Variants in ARHGAP10 observed in about 807,000 individuals in gnomAD.
The protein encoded by ARHGAP10 is rho GTPase-activating protein 10.
In ARHGAP10, 87 loss-of-function variants were observed where a neutral mutation model predicts 108.6. The observed-to-expected ratio is 0.80, with a 90% CI of 0.67 to 0.96. The LOEUF (loss-of-function observed/expected upper bound fraction) is 0.96, where lower values mean the gene tolerates loss of function less well. ARHGAP10 is among the 40% of genes least tolerant of loss of function. The probability of loss-of-function intolerance (pLI) is 0.00; values close to 1 mark genes in which losing one functional copy is unlikely to be tolerated. For synonymous variants in ARHGAP10, 347 were observed against 341.1 expected, an observed-to-expected ratio of 1.02 and a Z score of -0.19; for missense variants, 939 against 954.5, an observed-to-expected ratio of 0.98 and a Z score of 0.21.
At chr4:147,862,776 T>C (rs921095074) in intron 5 of ARHGAP10, 2 of 152,236 alleles carry the variant, frequency 1.3e-5, no homozygotes, top group African/African-American at 4.8e-5. Context: ...GATGCTGGTA[T>C]AAATTTCTTC....
At chr4:147,949,507 C>T (rs548249451) in intron 15 of ARHGAP10, among the ~76,000 whole-genome samples, 103 of 152,208 alleles carry the variant, frequency 6.8e-4, no homozygotes, top group Non-Finnish European at 2.1e-4. Flanking sequence ...TGCAGTGCTC[C>T]TGGCATCTGG....
chr4:147,873,722 A>ACACACACACACACACT (rs775092505), intron 7 of ARHGAP10, among the ~76,000 whole-genome samples: 48 of 144,442 alleles, frequency 3.3e-4, no homozygotes, highest in East Asian at 1.6e-3. Flanking sequence ...ACACACACAC[A>ACACACACACACACACT]CTCTTGGCCT....
rs183703944 is a variant in ARHGAP10 at position 147,775,743 on chromosome 4, G to C, written c.154+43288G>C. 3.7e-4 allele frequency among the ~76,000 whole-genome samples: 56 copies of C among 152,214 alleles called. No individual in the cohort carries two copies. In the East Asian group the frequency reaches 9.7e-3, roughly 26 times the overall value. On this transcript the variant is annotated intron_variant, in intron 1 of 22. Transcript: ENST00000336498. ...AGTTTCCTCCTCCCTAGGCATGGGG[G>C]CTCTAAATCCTTTTGCACAGAATTA...
intron 19 of ARHGAP10, among the ~76,000 whole-genome samples, chr4:148,038,162 G>A (rs987637028): frequency 1.3e-5 from 2 of 152,124 alleles, no homozygotes; most frequent in African/African-American, 4.8e-5. Context: ...TAGAAATTAT[G>A]CTAGAATATA....
Position 148,063,190 on chromosome 4 carries a change from A to G in ARHGAP10, c.2070A>G (p.Pro690=), listed in dbSNP as rs143292020. The G allele has an allele frequency of 1.2e-6, 2 of 1,614,078 alleles. No individual in the cohort carries two copies. Among genetic ancestry groups the G allele is most frequent in the Non-Finnish European group, 1.7e-6 (2 of 1,180,004 alleles). ...TRSSMVQWLN[P]QSPTTTSSNS... ...CGTCTATGGTCCAGTGGCTTAACCC[A>G]CAGTCTCCAACCACAACAAGCTCCA... Residue 690 remains proline, a synonymous_variant, in exon 21 of 23, where the codon CCA becomes CCG. Coordinates refer to ENST00000336498, the MANE Select transcript of ARHGAP10 (RefSeq NM_024605.4).
In ARHGAP10 at chr4:147,893,248, G is replaced by T. The variant is rs187809447; in HGVS notation, c.1034+11316G>T. 5.0e-3 allele frequency among the ~76,000 whole-genome samples: 761 copies of T among 151,584 alleles called. 8 individuals carry two copies. Among genetic ancestry groups the T allele is most frequent in the African/African-American group, 0.017 (711 of 41,356 alleles). On this transcript the variant is annotated intron_variant, in intron 10 of 22. Transcript: ENST00000336498. Reference sequence around the variant, plus strand: ...TAATTTTTGTATTTTTAGTAGAGACGGGTTTCACCTTGTTGGTCAGGCTGG... The same window carrying T: ...TAATTTTTGTATTTTTAGTAGAGACTGGTTTCACCTTGTTGGTCAGGCTGG...
intron 1 of ARHGAP10, among the ~76,000 whole-genome samples, chr4:147,789,652 C>T (rs1037806970): frequency 2.6e-5 from 4 of 152,180 alleles, no homozygotes; most frequent in Non-Finnish European, 5.9e-5. Flanking sequence ...ACACTTTGGC[C>T]ACCTGGCCAA....
rs28633738 is a variant in ARHGAP10, at chr4:147,996,080, A to G, written c.1717-27183A>G. On this transcript the variant is annotated intron_variant, in intron 18 of 22. Transcript: ENST00000336498. ...GGGGCCTGTATGTGTGAAATACTCA[A>G]AAAGCTCTTCTTTAGAAGTAGGTGC... is the stretch of plus-strand genomic sequence containing the variant. 7.3e-3 allele frequency among the ~76,000 whole-genome samples: 1,112 copies of G among 152,316 alleles called. 9 individuals are homozygous for G. The highest frequency in any genetic ancestry group is 0.019 in the African/African-American group (772 of 41,572).
At chr4:148,057,744 G>A (rs1327193649) in intron 20 of ARHGAP10, among the ~76,000 whole-genome samples, 4 of 152,338 alleles carry the variant, frequency 2.6e-5, no homozygotes, top group Non-Finnish European at 4.4e-5. Context: ...TGGGCAGATC[G>A]CTACATGGCT....
rs193288534 is a variant in ARHGAP10 at position 147,919,402 on chromosome 4, C to G, written c.1228+6263C>G. ...ATGATGTTTTGGCATGTGTGGGAGT[C>G]ACATCAACTCGTCTTTCATCCGTTT... On this transcript the variant is annotated intron_variant, in intron 13 of 22. Coordinates refer to ENST00000336498, the MANE Select transcript of ARHGAP10 (RefSeq NM_024605.4). 1.4e-3 allele frequency among the ~76,000 whole-genome samples: 214 copies of G among 152,202 alleles called. 1 individual carries two copies. Among genetic ancestry groups the G allele is most frequent in the African/African-American group, 4.9e-3 (205 of 41,518 alleles).
chr4:147,998,318 A>G (rs2149642024), intron 18 of ARHGAP10, among the ~76,000 whole-genome samples: 1 of 152,308 alleles, frequency 6.6e-6, no homozygotes, highest in East Asian at 1.9e-4. Context: ...ATCTGAATGA[A>G]GTTAGTGAAA....
At chr4:147,940,782 A>G (rs1738139378) in intron 14 of ARHGAP10, among the ~76,000 whole-genome samples, 1 of 152,248 alleles carries the variant, frequency 6.6e-6, no homozygotes, top group South Asian at 2.1e-4. Context: ...CAAGTTGAAT[A>G]AAATCAACTG....
At chr4:148,001,688 G>A (rs1390494885) in intron 18 of ARHGAP10, among the ~76,000 whole-genome samples, 1 of 151,758 alleles carries the variant, frequency 6.6e-6, no homozygotes, top group Non-Finnish European at 1.5e-5. Context: ...GTGAATGGGA[G>A]TTCACTCATG....
In ARHGAP10 at chr4:147,765,113, G is replaced by C. The variant is rs1167396205; in HGVS notation, c.154+32658G>C. On this transcript the variant is annotated intron_variant, in intron 1 of 22. Transcript: ENST00000336498. ...TTAGAATAGACTGTGGACTAATGAT[G>C]GACCATGTTGGACAGGGAAATGGGG... Among the ~76,000 whole-genome samples, 33 of 152,130 alleles carry C rather than the reference G, an allele frequency of 2.2e-4. 1 individual carries two copies. Among genetic ancestry groups the C allele is most frequent in the Admixed American group, 2.2e-3 (33 of 15,266 alleles).
chr4:148,059,995 G>A (rs868202422), intron 20 of ARHGAP10, among the ~76,000 whole-genome samples: 1 of 114,914 alleles, frequency 8.7e-6, no homozygotes, highest in South Asian at 3.2e-4. Flanking sequence ...AGAGAGAGAG[G>A]GGAGAGAGAG....
intron 5 of ARHGAP10, chr4:147,861,373 C>T (rs1276125693): frequency 6.6e-6 from 1 of 151,326 alleles, no homozygotes; most frequent in Non-Finnish European, 1.5e-5. Context: ...GATGTCACAG[C>T]CCTGGCTTAG....
rs151208860 is a variant in ARHGAP10, at chr4:148,023,185, G to A, written c.1717-78G>A. ...TTGAATGAACTCCAAATCAAATGTTGTGGTGCTGGTTTACTGGAGTAACAC... is the reference window on the plus strand; with the variant it reads ...TTGAATGAACTCCAAATCAAATGTTATGGTGCTGGTTTACTGGAGTAACAC... On this transcript the variant is annotated intron_variant, in intron 18 of 22. Transcript: ENST00000336498. The A allele has an allele frequency of 3.9e-4, 589 of 1,514,878 alleles. 3 individuals are homozygous for A. The African/African-American group carries it at 6.8e-3, about 18-fold the overall frequency. The allele number at this position is 1,514,878 out of a possible 1,614,324, so 93.8% of individuals were successfully genotyped here. A position where few individuals can be genotyped will look rare whatever the true frequency, so the allele number is the denominator to read the frequency against.
intron 5 of ARHGAP10, 107 bp downstream of exon 5, chr4:147,857,761 G>A: frequency 2.0e-6 from 2 of 1,020,544 alleles, no homozygotes; most frequent in South Asian, 5.9e-5. Flanking sequence ...ATTATATAGA[G>A]ATAACAAAAA....
chr4:147,733,818 T>A (rs1472397699), intron 1 of ARHGAP10, among the ~76,000 whole-genome samples: 1 of 152,228 alleles, frequency 6.6e-6, no homozygotes, highest in Non-Finnish European at 1.5e-5. Context: ...CCAAGGTTCC[T>A]TTTGGTTCTC....
Sources: gnomAD v4.1 joint callset for allele counts (sites outside exome capture counted in the v4.1 genomes callset) on GRCh38, gnomAD v4.1.1 for gene constraint, MANE v1.5 for transcripts, NCBI Gene and HGNC (gene_info 2026-07-23, HGNC 2026-07-21) for gene names.